Variants in SDK1 observed in about 807,000 individuals in gnomAD.
SDK1 encodes protein sidekick-1.
In SDK1, 157 loss-of-function variants were observed where a neutral mutation model predicts 245.5. That is an observed-to-expected ratio of 0.64 (90% CI 0.56 to 0.73). The LOEUF is 0.73. Among genes scored for constraint, SDK1 ranks in the 30% least tolerant of loss-of-function variants. The probability of loss-of-function intolerance (pLI) is 0.00; values close to 1 mark genes in which losing one functional copy is unlikely to be tolerated. For missense variants in SDK1, 3,583 were observed against 3,002.3 expected (o/e 1.19, Z -4.52); for synonymous variants, 1,647 against 1,278.5 (o/e 1.29, Z -6.15).
chr7:4,182,679 C>T (rs550648874), intron 35 of SDK1, among the ~76,000 whole-genome samples: 7 of 152,322 alleles, frequency 4.6e-5, no homozygotes, highest in African/African-American at 1.4e-4. Flanking sequence ...ACACAGTCAC[C>T]ATCTGCCGCC....
At position 3,594,128 on chromosome 7, in the gene SDK1, C is replaced by G. The variant is rs377276892; in HGVS notation, c.299-24952C>G. ...TCCTCCTGCCTCTCTGCCCTGCTTCCCTATTTCCCAGGTAATCACTCACCT... is the reference window on the plus strand; with the variant it reads ...TCCTCCTGCCTCTCTGCCCTGCTTCGCTATTTCCCAGGTAATCACTCACCT... On this transcript the variant is annotated intron_variant, in intron 1 of 44. Transcript: ENST00000404826. 1.4e-4 allele frequency among the ~76,000 whole-genome samples: 22 copies of G among 152,238 alleles called. No homozygotes were observed. In the East Asian group the frequency reaches 4.1e-3, roughly 28 times the overall value.
chr7:3,927,526 A>C (rs1365585896), intron 5 of SDK1, among the ~76,000 whole-genome samples: 1 of 152,202 alleles, frequency 6.6e-6, no homozygotes, highest in African/African-American at 2.4e-5. Context: ...TGGGCAGCCA[A>C]GGCAGGACTT....
At chr7:4,114,015 G>A (rs750945967) in intron 24 of SDK1, 22 bp from the exon 25 acceptor site, 8 of 1,603,004 alleles carry the variant, frequency 5.0e-6, no homozygotes, top group Middle Eastern at 1.7e-4. Flanking sequence ...TCAGCTCATC[G>A]CGACTCCTCG....
chr7:3,413,575 C>T (rs1175381789), intron 1 of SDK1, among the ~76,000 whole-genome samples: 1 of 152,052 alleles, frequency 6.6e-6, no homozygotes, highest in East Asian at 1.9e-4. Flanking sequence ...CCTGTAATCC[C>T]AGCTACTGGG....
At chr7:3,917,908 A>G (rs1377665169) in intron 5 of SDK1, among the ~76,000 whole-genome samples, 1 of 152,152 alleles carries the variant, frequency 6.6e-6, no homozygotes, top group Non-Finnish European at 1.5e-5. Context: ...AAAGATGGGA[A>G]GATTTGGGGC....
At chr7:3,720,072 A>T (rs1356879841) in intron 4 of SDK1, among the ~76,000 whole-genome samples, 1 of 152,128 alleles carries the variant, frequency 6.6e-6, no homozygotes. Context: ...CAAAGGTACG[A>T]TTTACAAAAA....
rs184964029 is a variant in SDK1, at chr7:3,770,560, C to T, written c.714-50890C>T. On this transcript the variant is annotated intron_variant, in intron 4 of 44. Transcript: ENST00000404826. ...CAGAGTGCCTGTAGCATTTTACATT[C>T]TCACCAGCAACGTCTGAGTGGAGTA... 5.2e-3 allele frequency among the ~76,000 whole-genome samples: 799 copies of T among 152,338 alleles called. 2 individuals carry two copies. Among genetic ancestry groups the T allele is most frequent in the Non-Finnish European group, 8.6e-3 (585 of 68,040 alleles).
intron 17 of SDK1, among the ~76,000 whole-genome samples, chr7:4,029,678 T>C (rs1006676140): frequency 1.3e-5 from 2 of 152,130 alleles, no homozygotes; most frequent in African/African-American, 4.8e-5. Context: ...ATTTACTTGA[T>C]CAGCCACCAC....
intron 25 of SDK1, 93 bp downstream of exon 25, chr7:4,114,367 A>C (rs1783557425): frequency 5.1e-6 from 5 of 982,264 alleles, no homozygotes; most frequent in South Asian, 1.6e-5. Context: ...GTGGCGTCTC[A>C]TTGGCCTGTC....
At chr7:3,483,371 T>C (rs1277811023) in intron 1 of SDK1, among the ~76,000 whole-genome samples, 1 of 152,204 alleles carries the variant, frequency 6.6e-6, no homozygotes, top group Non-Finnish European at 1.5e-5. Flanking sequence ...TATTAAATGC[T>C]TAAATTGGCT....
intron 14 of SDK1, among the ~76,000 whole-genome samples, chr7:4,006,596 A>G (rs914131145): frequency 6.6e-6 from 1 of 152,212 alleles, no homozygotes; most frequent in Admixed American, 6.5e-5. Flanking sequence ...ATCCTTCCCA[A>G]AACAATTTTT....
At chr7:4,176,189 G>C (rs370604692) in intron 34 of SDK1, among the ~76,000 whole-genome samples, 1 of 147,584 alleles carries the variant, frequency 6.8e-6, no homozygotes. Flanking sequence ...TAGAGACAGA[G>C]TCTCACTCTG....
At chr7:3,614,719 C>G (rs946821885) in intron 1 of SDK1, among the ~76,000 whole-genome samples, 6 of 152,120 alleles carry the variant, frequency 3.9e-5, no homozygotes, top group Non-Finnish European at 7.4e-5. Context: ...GTGCTATTCC[C>G]CACCTTGGCT....
rs1787342207 is a variant in SDK1, at chr7:4,026,311, G to T, written c.2602+8959G>T. ...GCAGGAGCCCAAGCGAGTGGCCAGAGCTTCCACCCTCGGTGGCCTTGGGCC... is the reference window on the plus strand; with the variant it reads ...GCAGGAGCCCAAGCGAGTGGCCAGATCTTCCACCCTCGGTGGCCTTGGGCC... On this transcript the variant is annotated intron_variant, in intron 17 of 44. Coordinates refer to ENST00000404826, the MANE Select transcript of SDK1 (RefSeq NM_152744.4). The surrounding 1 kb of genome is among the most constrained non-coding windows in gnomAD (Gnocchi z 4.1). Among the ~76,000 whole-genome samples, 1 of 152,376 alleles carries T rather than the reference G, an allele frequency of 6.6e-6. No homozygotes were observed. The highest frequency in any genetic ancestry group is 1.9e-4 in the East Asian group (1 of 5,184).
In SDK1 at chr7:3,674,245, A is replaced by G. The variant is rs575204472; in HGVS notation, c.713+32140A>G. ...GTAGTGGGAGATAAAGTTAGACGAC[A>G]TGAGATTCAGTGTTACAGATGGAGG... On this transcript the variant is annotated intron_variant, in intron 4 of 44. Transcript: ENST00000404826. 3.1e-4 allele frequency among the ~76,000 whole-genome samples: 47 copies of G among 152,282 alleles called. No individual in the cohort carries two copies. In the South Asian group the frequency reaches 8.7e-3, roughly 28 times the overall value.
At chr7:3,582,378 G>C (rs1022744810) in intron 1 of SDK1, among the ~76,000 whole-genome samples, 11 of 142,754 alleles carry the variant, frequency 7.7e-5, no homozygotes, top group South Asian at 4.7e-4. Context: ...AGGTAGGTCT[G>C]TCTCAGGTAG....
At chr7:3,897,925 C>T (rs923581063) in intron 5 of SDK1, among the ~76,000 whole-genome samples, 2 of 151,726 alleles carry the variant, frequency 1.3e-5, no homozygotes, top group Non-Finnish European at 2.9e-5. Context: ...TTTCTTTTCT[C>T]TCACTCTTTT....
At chr7:3,402,324 G>A (rs1168302501) in intron 1 of SDK1, among the ~76,000 whole-genome samples, 1 of 152,176 alleles carries the variant, frequency 6.6e-6, no homozygotes, top group Non-Finnish European at 1.5e-5. Context: ...AATGGAGGAG[G>A]TACTTCAGTA....
chr7:3,418,818 G>A (rs887822462), intron 1 of SDK1, among the ~76,000 whole-genome samples: 6 of 152,010 alleles, frequency 3.9e-5, no homozygotes, highest in African/African-American at 9.7e-5. Flanking sequence ...ATATACAGTC[G>A]TCCCTCATTG....
Sources: allele counts gnomAD v4.1 joint callset (sites outside exome capture counted in the v4.1 genomes callset), GRCh38; gene constraint gnomAD v4.1.1; non-coding constraint Gnocchi (gnomAD v3.1); transcripts MANE v1.5; gene names NCBI Gene and HGNC (gene_info 2026-07-23, HGNC 2026-07-21).